Variants in ZNF292 observed in about 807,000 individuals in gnomAD.
The protein encoded by ZNF292 is zinc finger protein 292, also known as 16 zinc-finger domain protein.
A neutral mutation model predicts 217.9 loss-of-function variants in ZNF292; 26 were observed. The ratio of observed to expected loss-of-function variants is 0.12; its 90% CI spans 0.09 to 0.17. The LOEUF is 0.17. ZNF292 is among the 10% of genes least tolerant of loss of function. The pLI is 1.00. For synonymous variants in ZNF292, 1,257 were observed against 1,124.1 expected (o/e 1.12, Z -2.37); for missense variants, 2,904 against 3,175.2 (o/e 0.91, Z 2.05).
Position 87,264,188 on chromosome 6 carries a change from T to C in ZNF292, c.*2387T>C, listed in dbSNP as rs764318431. ...TTAAAAAATCATAAAATATATTTTT[T>C]TCATGGTATACTTTTCCCCAGCCTA... On this transcript the variant is annotated 3_prime_UTR_variant, in exon 8 of 8. Coordinates refer to ENST00000369577, the MANE Select transcript of ZNF292 (RefSeq NM_015021.3). The C allele has an allele frequency of 5.9e-5, 9 of 152,214 alleles. No homozygotes were observed. The highest frequency in any genetic ancestry group is 1.3e-4 in the Non-Finnish European group (9 of 68,032). The allele number at this position is 152,214 out of a possible 1,614,324, so 9.4% of individuals were successfully genotyped here. A position where few individuals can be genotyped will look rare whatever the true frequency, so the allele number is the denominator to read the frequency against.
chr6:87,199,398 A>T (rs1275320347), intron 1 of ZNF292, among the ~76,000 whole-genome samples: 1 of 152,176 alleles, frequency 6.6e-6, no homozygotes, highest in Non-Finnish European at 1.5e-5. Flanking sequence ...GCCCTTTGTT[A>T]GATGTATCAT....
chr6:87,163,863 G>C (rs935229410), intron 1 of ZNF292, among the ~76,000 whole-genome samples: 1 of 152,134 alleles, frequency 6.6e-6, no homozygotes, highest in Non-Finnish European at 1.5e-5. Context: ...CAAGTGATAG[G>C]ATTGAAAGGA....
At chr6:87,211,988 T>C (rs1034539370) in intron 1 of ZNF292, among the ~76,000 whole-genome samples, 2 of 152,178 alleles carry the variant, frequency 1.3e-5, no homozygotes, top group African/African-American at 4.8e-5. Context: ...GGGAAAAAAG[T>C]GTAGGACTTT....
chr6:87,242,774 TAATA>T (rs1456476586), intron 5 of ZNF292, among the ~76,000 whole-genome samples: 3 of 152,206 alleles, frequency 2.0e-5, no homozygotes, highest in East Asian at 3.8e-4. Context: ...TGTAATGAGG[TAATA>T]AATTTTAATT....
chr6:87,195,269 G>A (rs1388029688), intron 1 of ZNF292, among the ~76,000 whole-genome samples: 2 of 152,176 alleles, frequency 1.3e-5, no homozygotes, highest in African/African-American at 2.4e-5. Flanking sequence ...ATAGCAATAT[G>A]TAAACATTTA....
chr6:87,190,740 T>C (rs575526056), intron 1 of ZNF292, among the ~76,000 whole-genome samples: 1 of 152,178 alleles, frequency 6.6e-6, no homozygotes, highest in Admixed American at 6.5e-5. Flanking sequence ...TCCCAGGATA[T>C]GTATTTTCAA....
At chr6:87,226,061 A>G (rs1466188835) in intron 4 of ZNF292, among the ~76,000 whole-genome samples, 2 of 152,136 alleles carry the variant, frequency 1.3e-5, no homozygotes, top group Admixed American at 1.3e-4. Context: ...TTTAAAATCT[A>G]AGCTCTAAGA....
Position 87,158,801 on chromosome 6 carries a change from A to G in ZNF292, c.168+3042A>G, listed in dbSNP as rs1582358824. Among the ~76,000 whole-genome samples the G allele has an allele frequency of 5.2e-5, 8 of 152,392 alleles. No individual in the cohort carries two copies. In the South Asian group the frequency reaches 1.7e-3, roughly 32 times the overall value. ...ATTGGCGCAATCTAAATATAGTACC[A>G]GGGATACTAGGAGCTAGAAATTATG... is the stretch of plus-strand genomic sequence containing the variant. On this transcript the variant is annotated intron_variant, in intron 1 of 7. Coordinates refer to ENST00000369577, the MANE Select transcript of ZNF292 (RefSeq NM_015021.3).
At chr6:87,158,437 G>GC (rs1336069423) in intron 1 of ZNF292, among the ~76,000 whole-genome samples, 1 of 152,146 alleles carries the variant, frequency 6.6e-6, no homozygotes, top group East Asian at 1.9e-4. Context: ...AGTTTGGGAG[G>GC]CCGAGTTGGG....
Position 87,265,207 on chromosome 6 carries a change from C to G in ZNF292, c.*3406C>G, listed in dbSNP as rs1162780496. Reference sequence around the variant, plus strand: ...TCGGCTTACTGCAACTTCTGCCTCCCAAGTTCAAGTGATTCTCCTGCCTCA... The same window carrying G: ...TCGGCTTACTGCAACTTCTGCCTCCGAAGTTCAAGTGATTCTCCTGCCTCA... On this transcript the variant is annotated 3_prime_UTR_variant, in exon 8 of 8. Transcript: ENST00000369577. Among the ~76,000 whole-genome samples the G allele has an allele frequency of 6.6e-6, 1 of 151,986 alleles. No individual in the cohort carries two copies. The highest frequency in any genetic ancestry group is 1.5e-5 in the Non-Finnish European group (1 of 67,974).
intron 1 of ZNF292, among the ~76,000 whole-genome samples, chr6:87,213,131 A>G (rs1203551239): frequency 6.6e-6 from 1 of 152,196 alleles, no homozygotes; most frequent in Non-Finnish European, 1.5e-5. Context: ...ACTTGAACAT[A>G]CAGTGGCCTG....
At chr6:87,234,573 ATTTTTTTT>A (rs1347430189) in intron 5 of ZNF292, among the ~76,000 whole-genome samples, 7 of 151,414 alleles carry the variant, frequency 4.6e-5, no homozygotes, top group African/African-American at 1.7e-4. Context: ...AAAAAAAAAA[ATTTTTTTT>A]AAAGAAAACC....
rs142878923 is a variant in ZNF292, at chr6:87,264,143, C to T, written c.*2342C>T. 3.9e-5 allele frequency: 6 copies of T among 152,038 alleles called. No individual in the cohort carries two copies. Among genetic ancestry groups the T allele is most frequent in the East Asian group, 1.9e-4 (1 of 5,188 alleles). 9.4% of individuals were successfully genotyped at this position (152,038 alleles called of 1,614,324 possible). A position where few individuals can be genotyped will look rare whatever the true frequency, so the allele number is the denominator to read the frequency against. ...AATAGCATGTTGGTAAATTTTGATA[C>T]GGAATGTAATGTCTAAGTATTAAAA... On this transcript the variant is annotated 3_prime_UTR_variant, in exon 8 of 8. Coordinates refer to ENST00000369577, the MANE Select transcript of ZNF292 (RefSeq NM_015021.3).
chr6:87,256,386 T>C lies in ZNF292; in HGVS notation c.2757T>C (p.Asn919=). The C allele has an allele frequency of 6.2e-7, 1 of 1,609,050 alleles. No individual in the cohort carries two copies. Among genetic ancestry groups the C allele is most frequent in the Non-Finnish European group, 8.5e-7 (1 of 1,179,824 alleles). ...ELRQANGPLS[N]GLENPATTPL... ...GGCAAGCTAATGGACCATTGTCAAA[T>C]GGTTTGGAAAACCCTGCTACTACTC... Residue 919 remains asparagine (N), a synonymous_variant, in exon 8 of 8, where the codon AAT becomes AAC. Coordinates refer to ENST00000369577, the MANE Select transcript of ZNF292 (RefSeq NM_015021.3).
At chr6:87,214,295 G>C (rs1247617098) in intron 1 of ZNF292, among the ~76,000 whole-genome samples, 2 of 152,068 alleles carry the variant, frequency 1.3e-5, no homozygotes, top group Non-Finnish European at 2.9e-5. Context: ...CTCTTCCCCA[G>C]CATCTCTGTC....
intron 5 of ZNF292, among the ~76,000 whole-genome samples, chr6:87,240,849 T>C (rs1014368067): frequency 6.6e-6 from 1 of 152,244 alleles, no homozygotes; most frequent in Non-Finnish European, 1.5e-5. Context: ...TATGAATATA[T>C]GGCCTTAGTA....
intron 1 of ZNF292, among the ~76,000 whole-genome samples, chr6:87,181,225 G>A (rs753086322): frequency 1.3e-5 from 2 of 152,112 alleles, no homozygotes; most frequent in Admixed American, 6.5e-5. Flanking sequence ...ACGCAGGCTC[G>A]AAGGATGAGT....
Position 87,258,450 on chromosome 6 carries a change from T to A in ZNF292, c.4821T>A (p.Ser1607=), listed in dbSNP as rs1311208701. 1.9e-6 allele frequency: 3 copies of A among 1,613,606 alleles called. No homozygotes were observed. In the African/African-American group the frequency reaches 4.0e-5, roughly 22 times the overall value. Residue 1607 remains serine, a synonymous_variant, in exon 8 of 8, where the codon TCT becomes TCA. Coordinates refer to ENST00000369577, the MANE Select transcript of ZNF292 (RefSeq NM_015021.3). ...QNFTSNSSRV[S]VISGPQNTRS... ...TTACCAGTAACAGTTCTCGTGTTTC[T>A]GTTATAAGTGGTCCTCAGAACACAA... is the stretch of plus-strand genomic sequence containing the variant.
chr6:87,218,410 T>C (rs1456596048), intron 3 of ZNF292, among the ~76,000 whole-genome samples, 186 bp from the exon 4 acceptor site: 3 of 152,170 alleles, frequency 2.0e-5, no homozygotes, highest in African/African-American at 7.2e-5. Flanking sequence ...TTAAGATTTG[T>C]AAATGATGTA....
Sources: allele counts gnomAD v4.1 joint callset (sites outside exome capture counted in the v4.1 genomes callset), GRCh38; gene constraint gnomAD v4.1.1; transcripts MANE v1.5; gene names NCBI Gene and HGNC (gene_info 2026-07-23, HGNC 2026-07-21).